The following COL19A1 variants were observed in gnomAD, a reference collection of about 807,000 sequenced individuals.
COL19A1 encodes the protein collagen type XIX alpha 1 chain.
A neutral mutation model predicts 190.2 loss-of-function variants in COL19A1; 159 were observed. The observed-to-expected ratio is 0.84, with a 90% CI of 0.73 to 0.95. The LOEUF (loss-of-function observed/expected upper bound fraction) is 0.95, where lower values mean the gene tolerates loss of function less well. Among genes scored for constraint, COL19A1 ranks in the 40% least tolerant of loss-of-function variants. The probability of loss-of-function intolerance (pLI) is 0.00; values close to 1 mark genes in which losing one functional copy is unlikely to be tolerated. For synonymous variants in COL19A1, 509 were observed against 458.9 expected, an observed-to-expected ratio of 1.11 and a Z score of -1.39; for missense variants, 1,418 against 1,431.9, an observed-to-expected ratio of 0.99 and a Z score of 0.16.
In COL19A1 at chr6:69,879,521, T is replaced by G. The variant is rs776083356; in HGVS notation, c.-32-15T>G. On this transcript the variant is annotated splice_polypyrimidine_tract_variant and intron_variant, in intron 1 of 50. Coordinates refer to ENST00000620364, the MANE Select transcript of COL19A1 (RefSeq NM_001858.6). ...TACAATAAACTTTATTCAAATTTTTTTTTTTCTGTTGCAGATCCGTGGCCG... is the reference window on the plus strand; with the variant it reads ...TACAATAAACTTTATTCAAATTTTTGTTTTTCTGTTGCAGATCCGTGGCCG... 1.3e-6 allele frequency: 2 copies of G among 1,530,822 alleles called. No homozygotes were observed. Among genetic ancestry groups the G allele is most frequent in the Admixed American group, 3.5e-5 (2 of 57,678 alleles). The allele number at this position is 1,530,822 out of a possible 1,614,324, so 94.8% of individuals were successfully genotyped here. A position where few individuals can be genotyped will look rare whatever the true frequency, so the allele number is the denominator to read the frequency against.
chr6:69,885,086 A>C (rs546628333), intron 2 of COL19A1, among the ~76,000 whole-genome samples: 2 of 151,740 alleles, frequency 1.3e-5, no homozygotes, highest in Non-Finnish European at 2.9e-5. Flanking sequence ...CTGGTCTCGA[A>C]CTCCTGACCT....
intron 15 of COL19A1, among the ~76,000 whole-genome samples, chr6:70,083,029 A>G (rs1782363893): frequency 6.6e-6 from 1 of 152,168 alleles, no homozygotes; most frequent in Admixed American, 6.6e-5. Context: ...CCGGTTCCTA[A>G]CAGTCCACAG....
chr6:70,038,835 T>G (rs1330154774), intron 14 of COL19A1, among the ~76,000 whole-genome samples: 6 of 152,156 alleles, frequency 3.9e-5, no homozygotes, highest in Non-Finnish European at 5.9e-5. Context: ...CCCAGTTAGC[T>G]GCCTTTTCCC....
intron 2 of COL19A1, among the ~76,000 whole-genome samples, chr6:69,885,610 T>C (rs1296657861): frequency 6.6e-6 from 1 of 152,234 alleles, no homozygotes; most frequent in African/African-American, 2.4e-5. Context: ...TTTGTACCCT[T>C]TGAAGTGCAT....
chr6:70,102,008 C>T (rs1562174150), intron 15 of COL19A1, among the ~76,000 whole-genome samples, 161 bp from the exon 16 acceptor site: 1 of 151,990 alleles, frequency 6.6e-6, no homozygotes, highest in African/African-American at 2.4e-5. Context: ...AAAAATTGGC[C>T]CACAGCTTTT....
intron 14 of COL19A1, among the ~76,000 whole-genome samples, chr6:70,044,858 T>C (rs1224579721): frequency 2.0e-5 from 3 of 152,232 alleles, no homozygotes; most frequent in Non-Finnish European, 4.4e-5. Flanking sequence ...CATTCTGCTG[T>C]TAAGACTATC....
chr6:70,024,538 G>A (rs1375623895), intron 12 of COL19A1, among the ~76,000 whole-genome samples: 3 of 151,888 alleles, frequency 2.0e-5, no homozygotes, highest in East Asian at 1.9e-4. Context: ...TCATTACAGC[G>A]GAAGAGAGGC....
rs764609960 is a variant in COL19A1 at position 70,156,243 on chromosome 6, G to T, written c.2184+12G>T. On this transcript the variant is annotated intron_variant, in intron 32 of 50. Transcript: ENST00000620364. ...CCATGGCCCGGAAGGTGAGAAGCCT[G>T]GCTGAATGTTTACGATCCCTGTGGG... The T allele has an allele frequency of 1.2e-6, 2 of 1,613,098 alleles. No individual in the cohort carries two copies. The highest frequency in any genetic ancestry group is 1.3e-5 in the African/African-American group (1 of 74,820).
At chr6:70,091,962 A>C (rs542931914) in intron 15 of COL19A1, among the ~76,000 whole-genome samples, 1 of 152,180 alleles carries the variant, frequency 6.6e-6, no homozygotes, top group Non-Finnish European at 1.5e-5. Context: ...TATTCAAATA[A>C]AGAAAAATAC....
intron 9 of COL19A1, among the ~76,000 whole-genome samples, chr6:69,949,483 A>G (rs1774003532): frequency 6.6e-6 from 1 of 151,960 alleles, no homozygotes; most frequent in African/African-American, 2.4e-5. Flanking sequence ...CAAGAAAGTT[A>G]CTAGCGTATT....
chr6:69,896,108 C>T (rs1426028443), intron 2 of COL19A1, among the ~76,000 whole-genome samples: 1 of 151,758 alleles, frequency 6.6e-6, no homozygotes, highest in African/African-American at 2.4e-5. Flanking sequence ...TTTTGTTGCT[C>T]CACATCCTCA....
chr6:70,186,184 G>A (rs1038844467), intron 46 of COL19A1, among the ~76,000 whole-genome samples: 8 of 151,886 alleles, frequency 5.3e-5, no homozygotes, highest in African/African-American at 1.2e-4. Flanking sequence ...TACCTAGTCC[G>A]CTGGACATTT....
intron 14 of COL19A1, among the ~76,000 whole-genome samples, chr6:70,038,015 C>G (rs931437363): frequency 2.9e-4 from 44 of 152,156 alleles, no homozygotes; most frequent in African/African-American, 9.2e-4. Flanking sequence ...ATTATCAACT[C>G]TTCCCTACAA....
chr6:69,980,756 CAT>C (rs1160668756), intron 11 of COL19A1, among the ~76,000 whole-genome samples: 3 of 152,150 alleles, frequency 2.0e-5, no homozygotes, highest in Non-Finnish European at 4.4e-5. Context: ...TGCTAGTAAA[CAT>C]GTGTAAGGCT....
intron 14 of COL19A1, among the ~76,000 whole-genome samples, chr6:70,036,661 TTG>T (rs1328353140): frequency 1.3e-5 from 2 of 151,676 alleles, no homozygotes; most frequent in Admixed American, 1.3e-4. Context: ...GAGGACAGTT[TTG>T]TTTTGTTTTT....
chr6:70,165,801 T>A (rs1188194592), intron 36 of COL19A1, 140 bp from the exon 37 acceptor site: 14 of 775,412 alleles, frequency 1.8e-5, no homozygotes, highest in Middle Eastern at 2.5e-4. Context: ...AGAGCCCAGC[T>A]GAATAAGACT....
chr6:69,894,669 T>C (rs1163142751), intron 2 of COL19A1, among the ~76,000 whole-genome samples: 1 of 152,050 alleles, frequency 6.6e-6, no homozygotes, highest in African/African-American at 2.4e-5. Context: ...TGGGAAAACA[T>C]GCAGATATCA....
chr6:69,952,345 C>T (rs1774173665), intron 9 of COL19A1, among the ~76,000 whole-genome samples: 1 of 151,816 alleles, frequency 6.6e-6, no homozygotes. Flanking sequence ...GTCCAGGCAG[C>T]TCAATCATGG....
At chr6:70,148,930 A>G (rs2150243891) in intron 27 of COL19A1, among the ~76,000 whole-genome samples, 1 of 152,244 alleles carries the variant, frequency 6.6e-6, no homozygotes, top group African/African-American at 2.4e-5. Flanking sequence ...CCATCTAAAA[A>G]AAAAAAAAGA....
Sources: gnomAD v4.1 joint callset for allele counts (sites outside exome capture counted in the v4.1 genomes callset) on GRCh38, gnomAD v4.1.1 for gene constraint, MANE v1.5 for transcripts, NCBI Gene and HGNC (gene_info 2026-07-23, HGNC 2026-07-21) for gene names.